SYTL3: variants seen among roughly 807,000 people sequenced by gnomAD.
The protein encoded by SYTL3 is synaptotagmin-like protein 3.
A neutral mutation model predicts 82.1 loss-of-function variants in SYTL3; 88 were observed. The observed-to-expected ratio is 1.07, with a 90% CI of 0.90 to 1.28. The LOEUF is 1.28. Among genes scored for constraint, SYTL3 ranks in the 50% most tolerant of loss-of-function variants. SYTL3 has a pLI of 0.00. For synonymous variants in SYTL3, 311 were observed against 289.4 expected, an observed-to-expected ratio of 1.07 and a Z score of -0.76; for missense variants, 831 against 757.6, an observed-to-expected ratio of 1.10 and a Z score of -1.14.
intron 11 of SYTL3, among the ~76,000 whole-genome samples, chr6:158,743,783 T>C (rs1005656244): frequency 1.3e-5 from 2 of 151,952 alleles, no homozygotes; most frequent in Non-Finnish European, 2.9e-5. Flanking sequence ...TACATTGTTT[T>C]CCATTTTAAC....
chr6:158,736,214 T>G (rs1475667977), intron 11 of SYTL3, among the ~76,000 whole-genome samples: 22 of 151,726 alleles, frequency 1.4e-4, no homozygotes, highest in African/African-American at 5.1e-4. Flanking sequence ...AGCCGGGCGT[T>G]GTGGCGGGTG....
intron 5 of SYTL3, 68 bp downstream of exon 5, chr6:158,665,681 G>T: frequency 3.2e-6 from 4 of 1,248,184 alleles, no homozygotes; most frequent in Non-Finnish European, 4.4e-6. Context: ...TTTACAAACC[G>T]CTCATAAAGA....
chr6:158,706,626 A>G (rs1435138783), intron 6 of SYTL3, among the ~76,000 whole-genome samples: 1 of 152,176 alleles, frequency 6.6e-6, no homozygotes, highest in Admixed American at 6.5e-5. Flanking sequence ...GCATTTGGCC[A>G]GGGAACACTG....
intron 3 of SYTL3, among the ~76,000 whole-genome samples, chr6:158,662,060 T>C (rs928936217): frequency 1.3e-5 from 2 of 152,218 alleles, no homozygotes; most frequent in Admixed American, 6.5e-5. Flanking sequence ...AATGCTACCT[T>C]AGAGCTCTGT....
At chr6:158,681,777 A>G (rs1778725246) in intron 5 of SYTL3, among the ~76,000 whole-genome samples, 1 of 152,248 alleles carries the variant, frequency 6.6e-6, no homozygotes, top group African/African-American at 2.4e-5. Flanking sequence ...GAATCTTCTC[A>G]GGTAACCCTG....
intron 11 of SYTL3, among the ~76,000 whole-genome samples, chr6:158,740,234 G>A (rs1283688309): frequency 6.6e-6 from 1 of 151,954 alleles, no homozygotes; most frequent in African/African-American, 2.4e-5. Context: ...GACCTCAGAT[G>A]ATCTGCCTGC....
chr6:158,701,219 T>C, intron 6 of SYTL3, among the ~76,000 whole-genome samples: 1 of 60,076 alleles, frequency 1.7e-5, no homozygotes, highest in African/African-American at 1.4e-4. Flanking sequence ...GGGGTGTAGA[T>C]GAAGGAGTGT....
intron 5 of SYTL3, among the ~76,000 whole-genome samples, chr6:158,677,841 C>A (rs1164279408): frequency 6.6e-6 from 1 of 151,822 alleles, no homozygotes; most frequent in Non-Finnish European, 1.5e-5. Flanking sequence ...TTAGGCTGAT[C>A]TCAGTTTTAC....
intron 9 of SYTL3, among the ~76,000 whole-genome samples, chr6:158,715,574 A>AT (rs1484448356): frequency 8.4e-6 from 1 of 118,892 alleles, no homozygotes; most frequent in Non-Finnish European, 2.0e-5. Flanking sequence ...CCCTTCTCAG[A>AT]TATGGAAAGC....
upstream of SYTL3, among the ~76,000 whole-genome samples, chr6:158,649,637 G>A (rs1056575095): frequency 1.3e-5 from 2 of 152,216 alleles, no homozygotes; most frequent in East Asian, 1.9e-4. Flanking sequence ...TCTTGGCCTG[G>A]CTGTCCCCCT....
intron 12 of SYTL3, among the ~76,000 whole-genome samples, chr6:158,750,728 C>T (rs1788283790): frequency 6.6e-6 from 1 of 152,110 alleles, no homozygotes; most frequent in Non-Finnish European, 1.5e-5. Flanking sequence ...GTGTATTGCC[C>T]ACGCTGGTCT....
At chr6:158,697,994 C>G (rs942455972) in intron 6 of SYTL3, among the ~76,000 whole-genome samples, 1 of 152,220 alleles carries the variant, frequency 6.6e-6, no homozygotes, top group African/African-American at 2.4e-5. Flanking sequence ...CCCTGGAAGG[C>G]ACTGGTTGCT....
intron 12 of SYTL3, among the ~76,000 whole-genome samples, chr6:158,749,837 T>G (rs1022055496): frequency 6.6e-5 from 10 of 152,094 alleles, no homozygotes; most frequent in African/African-American, 2.4e-4. Context: ...TGACATGAAA[T>G]GAAATAGAAA....
chr6:158,722,760 C>CTTTTTTT (rs1179616890), intron 10 of SYTL3, among the ~76,000 whole-genome samples: 1 of 89,192 alleles, frequency 1.1e-5, no homozygotes, highest in African/African-American at 5.5e-5. Context: ...TCTCTCTTTT[C>CTTTTTTT]TGTTTTTTTT....
intron 2 of SYTL3, among the ~76,000 whole-genome samples, chr6:158,652,495 T>G (rs1275425264): frequency 6.6e-6 from 1 of 151,660 alleles, no homozygotes; most frequent in African/African-American, 2.4e-5. Context: ...ATGATCCACC[T>G]GCCTCGTCCT....
intron 6 of SYTL3, among the ~76,000 whole-genome samples, chr6:158,694,490 T>C (rs112196782): frequency 0.074 from 11,264 of 152,050 alleles, 510 homozygotes; most frequent in Middle Eastern, 0.12. Context: ...AGACGGGGTT[T>C]TGCCATATTG....
intron 6 of SYTL3, among the ~76,000 whole-genome samples, chr6:158,698,530 A>G (rs1172433986): frequency 6.6e-6 from 1 of 152,038 alleles, no homozygotes; most frequent in Non-Finnish European, 1.5e-5. Flanking sequence ...TATGTGAACT[A>G]TAGATTGGTT....
chr6:158,733,382 A>C (rs899401839), intron 11 of SYTL3, among the ~76,000 whole-genome samples: 8 of 152,018 alleles, frequency 5.3e-5, no homozygotes, highest in Non-Finnish European at 4.4e-5. Context: ...GCTTGAGTGC[A>C]GTGGCCCAAC....
At chr6:158,678,590 C>T (rs1001415995) in intron 5 of SYTL3, among the ~76,000 whole-genome samples, 1 of 152,138 alleles carries the variant, frequency 6.6e-6, no homozygotes, top group Non-Finnish European at 1.5e-5. Context: ...GTTATTTCTC[C>T]TTTGATAATG....
Sources: gnomAD v4.1 joint callset for allele counts (sites outside exome capture counted in the v4.1 genomes callset) on GRCh38, gnomAD v4.1.1 for gene constraint, MANE v1.5 for transcripts, NCBI Gene and HGNC (gene_info 2026-07-23, HGNC 2026-07-21) for gene names.